The following PYHIN1 variants were observed in gnomAD, a reference collection of about 807,000 sequenced individuals.
PYHIN1 encodes pyrin and HIN domain family member 1, also known as pyrin and HIN domain-containing protein 1.
PYHIN1 carries 32 observed loss-of-function variants against 43.7 expected under a neutral mutation model. The ratio of observed to expected loss-of-function variants is 0.73; its 90% CI spans 0.55 to 0.98. PYHIN1 has a LOEUF of 0.98. Ranked by LOEUF, PYHIN1 falls within the 50% of genes least tolerant of loss-of-function variation. The pLI, the probability that PYHIN1 is intolerant of heterozygous loss-of-function variation, is 0.00. For synonymous variants in PYHIN1, 205 were observed against 203.1 expected (o/e 1.01, Z -0.08); for missense variants, 588 against 589.5 (o/e 1.00, Z 0.03).
intron 1 of PYHIN1, among the ~76,000 whole-genome samples, chr1:158,935,074 A>G (rs2101639961): frequency 6.6e-6 from 1 of 152,274 alleles, no homozygotes; most frequent in Admixed American, 6.5e-5. Context: ...CTGGTGCTAA[A>G]GAGGTCCAGA....
rs566427652 is a variant in PYHIN1, at chr1:158,960,509, A to C, written c.1360-13138A>C. On this transcript the variant is annotated intron_variant, in intron 7 of 8. Coordinates refer to ENST00000368140, the MANE Select transcript of PYHIN1 (RefSeq NM_152501.5). ...ATGGCCTCAAATACCTAAACACATC[A>C]TGCAGCCATTTATTCTTGGGTGTCC... is the stretch of plus-strand genomic sequence containing the variant. Among the ~76,000 whole-genome samples the C allele has an allele frequency of 2.0e-5, 3 of 152,234 alleles. No homozygotes were observed. In the East Asian group the frequency reaches 5.8e-4, roughly 29 times the overall value.
At position 158,938,472 on chromosome 1, in the gene PYHIN1, C is replaced by T. The variant is rs775242535; in HGVS notation, c.341C>T (p.Pro114Leu). ...AAGACGAAACAGAAAGAAGTGTATC[C>T]TGCTACACCTGCATGCACCCCAAGC... Reference protein sequence around the residue: ...SKKTKQKEVYPATPACTPSNR... With the variant: ...SKKTKQKEVYLATPACTPSNR... Residue 114 changes from proline (P) to leucine (L), a missense_variant, in exon 3 of 9, where the codon CCT becomes CTT. Coordinates refer to ENST00000368140, the MANE Select transcript of PYHIN1 (RefSeq NM_152501.5). 1.2e-6 allele frequency: 2 copies of T among 1,614,124 alleles called. No individual in the cohort carries two copies. Among genetic ancestry groups the T allele is most frequent in the Non-Finnish European group, 1.7e-6 (2 of 1,179,982 alleles).
chr1:158,973,605 T>G (rs1421317616), intron 7 of PYHIN1, 42 bp from the exon 8 acceptor site: 1 of 1,609,320 alleles, frequency 6.2e-7, no homozygotes, highest in Non-Finnish European at 8.5e-7. Flanking sequence ...GTTCTTTCTG[T>G]CATAAAGTGA....
chr1:158,933,588 C>T lies in PYHIN1; in HGVS notation c.-21+1812C>T, dbSNP rs1389438002. ...TTAAATCAAATTTGATAAAAGTTGT[C>T]ATTTAACTAGTTAACCTCTTTATGT... On this transcript the variant is annotated intron_variant, in intron 1 of 8. Transcript: ENST00000368140. The surrounding 1 kb of genome is among the most constrained non-coding windows in gnomAD (Gnocchi z 6.3). Among the ~76,000 whole-genome samples, 1 of 151,982 alleles carries T rather than the reference C, an allele frequency of 6.6e-6. No homozygotes were observed. Among genetic ancestry groups the T allele is most frequent in the African/African-American group, 2.4e-5 (1 of 41,428 alleles).
intron 2 of PYHIN1, 33 bp from the exon 3 acceptor site, chr1:158,938,364 T>G (rs758193865): frequency 6.2e-7 from 1 of 1,612,096 alleles, no homozygotes; most frequent in Non-Finnish European, 8.5e-7. Flanking sequence ...TCATCTGCTC[T>G]GGGTTTATAC....
chr1:158,957,164 A>C (rs1487814717), intron 7 of PYHIN1, among the ~76,000 whole-genome samples: 3 of 139,552 alleles, frequency 2.1e-5, no homozygotes, highest in East Asian at 4.2e-4. Context: ...AATATCGTGA[A>C]AATGGCCATA....
At chr1:158,956,056 G>T (rs929525009) in intron 7 of PYHIN1, among the ~76,000 whole-genome samples, 1 of 146,620 alleles carries the variant, frequency 6.8e-6, no homozygotes, top group Non-Finnish European at 1.5e-5. Context: ...AAACCAGGAA[G>T]AAGTTGAATG....
intron 7 of PYHIN1, among the ~76,000 whole-genome samples, chr1:158,968,461 T>C (rs530323841): frequency 6.6e-6 from 1 of 152,264 alleles, no homozygotes; most frequent in East Asian, 1.9e-4. Flanking sequence ...CTGGTGAGCT[T>C]GCAGAGAAAA....
chr1:158,947,583 CCAA>C (rs766498586), intron 7 of PYHIN1, among the ~76,000 whole-genome samples: 4 of 152,292 alleles, frequency 2.6e-5, no homozygotes, highest in Admixed American at 2.6e-4. Context: ...AGACCCTGAC[CCAA>C]CAACAGATGA....
intron 7 of PYHIN1, among the ~76,000 whole-genome samples, chr1:158,971,795 A>G (rs913900199): frequency 2.6e-5 from 4 of 151,936 alleles, no homozygotes; most frequent in African/African-American, 9.7e-5. Flanking sequence ...GTTAGCCTAG[A>G]TGAGTTTTCA....
In PYHIN1 at chr1:158,942,433, A is replaced by G. The variant is rs774580052; in HGVS notation, c.1002+34A>G. The G allele has an allele frequency of 5.3e-6, 8 of 1,495,952 alleles. No individual in the cohort carries two copies. In the South Asian group the frequency reaches 1.1e-4, roughly 20 times the overall value. 92.7% of individuals were successfully genotyped at this position (1,495,952 alleles called of 1,614,324 possible). ...TCAAAGCTATTTTGTGGCATTTTCT[A>G]CAATAACACTTGAAATTAAAAGCCC... On this transcript the variant is annotated intron_variant, in intron 5 of 8. Coordinates refer to ENST00000368140, the MANE Select transcript of PYHIN1 (RefSeq NM_152501.5).
the PYHIN1 span, among the ~76,000 whole-genome samples, chr1:158,989,447 T>A: frequency 6.6e-6 from 1 of 152,186 alleles, no homozygotes; most frequent in Non-Finnish European, 1.5e-5. Context: ...TGGAAATAGG[T>A]TCATTACTGA....
At chr1:158,956,069 T>C (rs1046650343) in intron 7 of PYHIN1, among the ~76,000 whole-genome samples, 6 of 146,336 alleles carry the variant, frequency 4.1e-5, no homozygotes, top group African/African-American at 1.5e-4. Flanking sequence ...GTTGAATGTC[T>C]GAATAGACCA....
At chr1:158,958,071 A>G (rs185181804) in intron 7 of PYHIN1, among the ~76,000 whole-genome samples, 7,696 of 152,264 alleles carry the variant, frequency 0.051, 274 homozygotes, top group Middle Eastern at 0.079. Flanking sequence ...ATCTCACACC[A>G]GTTAGAATGG....
downstream of PYHIN1, among the ~76,000 whole-genome samples, chr1:158,977,371 CA>C (rs748263451): frequency 1.3e-5 from 2 of 152,090 alleles, no homozygotes; most frequent in Non-Finnish European, 2.9e-5. Context: ...CTTGCCAAAC[CA>C]GGCACTTTCT....
chr1:158,989,252 CTTAG>C, the PYHIN1 span, among the ~76,000 whole-genome samples: 5 of 152,136 alleles, frequency 3.3e-5, no homozygotes, highest in East Asian at 3.9e-4. Flanking sequence ...AGATTTTGGA[CTTAG>C]TTAATTTTAA....
At chr1:158,986,901 G>A in the PYHIN1 span, among the ~76,000 whole-genome samples, 26 of 152,064 alleles carry the variant, frequency 1.7e-4, no homozygotes, top group Non-Finnish European at 3.5e-4. Context: ...CTAGGATTCT[G>A]GAAGTCCATG....
At chr1:158,946,114 T>C (rs1649205220) in intron 7 of PYHIN1, among the ~76,000 whole-genome samples, 1 of 152,222 alleles carries the variant, frequency 6.6e-6, no homozygotes, top group South Asian at 2.1e-4. Flanking sequence ...TGTCATTTAA[T>C]GAATATGTTT....
rs906182434 is a variant in PYHIN1, at chr1:158,966,753, T to A, written c.1360-6894T>A. Among the ~76,000 whole-genome samples, 6 of 152,060 alleles carry A rather than the reference T, an allele frequency of 3.9e-5. No homozygotes were observed. The East Asian group carries it at 1.2e-3, about 29-fold the overall frequency. Reference sequence around the variant, plus strand: ...ATTTCCAACAAACCCACAGCCAACATCATACTTTATGGACAAAAGCTAGAA... The same window carrying A: ...ATTTCCAACAAACCCACAGCCAACAACATACTTTATGGACAAAAGCTAGAA... On this transcript the variant is annotated intron_variant, in intron 7 of 8. Coordinates refer to ENST00000368140, the MANE Select transcript of PYHIN1 (RefSeq NM_152501.5).
Sources: gnomAD v4.1 joint callset for allele counts (sites outside exome capture counted in the v4.1 genomes callset) on GRCh38, gnomAD v4.1.1 for gene constraint, Gnocchi (gnomAD v3.1) non-coding constraint, MANE v1.5 for transcripts, NCBI Gene and HGNC (gene_info 2026-07-23, HGNC 2026-07-21) for gene names.